The following CSMD1 variants were observed in gnomAD, a reference collection of about 807,000 sequenced individuals.
The protein encoded by CSMD1 is CUB and Sushi multiple domains 1, also known as CUB and sushi domain-containing protein 1.
A neutral mutation model predicts 417.5 loss-of-function variants in CSMD1; 213 were observed. The observed-to-expected ratio is 0.51, with a 90% CI of 0.46 to 0.57. CSMD1 has a LOEUF of 0.57. Among genes scored for constraint, CSMD1 ranks in the 20% least tolerant of loss-of-function variants. The pLI is 0.00. For missense variants in CSMD1, 6,923 were observed against 4,529.7 expected (o/e 1.53, Z -15.17); for synonymous variants, 2,862 against 1,736.8 (o/e 1.65, Z -16.11).
chr8:3,857,638 G>C (rs987957804), intron 5 of CSMD1, among the ~76,000 whole-genome samples: 1 of 152,106 alleles, frequency 6.6e-6, no homozygotes, highest in Non-Finnish European at 1.5e-5. Flanking sequence ...GCAGAGGGTG[G>C]GGACACAGAT....
intron 7 of CSMD1, among the ~76,000 whole-genome samples, chr8:3,681,032 C>T (rs559163137): frequency 2.4e-4 from 37 of 152,120 alleles, no homozygotes; most frequent in Non-Finnish European, 4.1e-4. Context: ...ATTGATGGGA[C>T]GTATCTCAAA....
At chr8:3,982,131 C>A (rs556338170) in intron 5 of CSMD1, among the ~76,000 whole-genome samples, 4 of 149,608 alleles carry the variant, frequency 2.7e-5, no homozygotes, top group East Asian at 3.9e-4. Flanking sequence ...GCACTCCAGC[C>A]TGGGTGACAC....
chr8:3,731,116 G>A (rs1796226881), intron 6 of CSMD1, among the ~76,000 whole-genome samples: 1 of 152,092 alleles, frequency 6.6e-6, no homozygotes, highest in South Asian at 2.1e-4. Flanking sequence ...GCACACCCCA[G>A]AACATAAATC....
chr8:4,780,415 A>ATCTGTCTC (rs1554479061), intron 1 of CSMD1, among the ~76,000 whole-genome samples: 2 of 151,626 alleles, frequency 1.3e-5, no homozygotes, highest in African/African-American at 4.9e-5. Context: ...TGATCAGTCG[A>ATCTGTCTC]TCTGTCTGTC....
chr8:3,900,690 G>T (rs547344356), intron 5 of CSMD1, among the ~76,000 whole-genome samples: 20 of 151,970 alleles, frequency 1.3e-4, no homozygotes, highest in Non-Finnish European at 2.5e-4. Context: ...GTGTAGCTTG[G>T]TGGCCCTGAA....
rs953497632 is a variant in CSMD1 at position 4,222,545 on chromosome 8, A to G, written c.416-190446T>C. Among the ~76,000 whole-genome samples, 8 of 152,360 alleles carry G rather than the reference A, an allele frequency of 5.3e-5. No homozygotes were observed. In the East Asian group the frequency reaches 1.3e-3, roughly 26 times the overall value. ...ATAATCAAGAAAACATAAAAACCACAGAAGTACAGAAAAAGGTTAAAGGCT... is the reference window on the plus strand; with the variant it reads ...ATAATCAAGAAAACATAAAAACCACGGAAGTACAGAAAAAGGTTAAAGGCT... On this transcript the variant is annotated intron_variant, in intron 3 of 69. Coordinates refer to ENST00000635120, the MANE Select transcript of CSMD1 (RefSeq NM_033225.6).
intron 2 of CSMD1, among the ~76,000 whole-genome samples, chr8:4,448,671 T>G (rs539381889): frequency 6.6e-6 from 1 of 152,340 alleles, no homozygotes; most frequent in East Asian, 1.9e-4. Context: ...TCTGACTTTC[T>G]TCTCAGTAGG....
chr8:4,414,293 A>G (rs1796807701), intron 3 of CSMD1, among the ~76,000 whole-genome samples: 1 of 152,212 alleles, frequency 6.6e-6, no homozygotes, highest in African/African-American at 2.4e-5. Context: ...TGGTAAGAGG[A>G]AGCCCCGCCC....
intron 3 of CSMD1, among the ~76,000 whole-genome samples, chr8:4,176,954 G>C (rs1158623673): frequency 6.6e-6 from 1 of 151,124 alleles, no homozygotes; most frequent in South Asian, 2.1e-4. Context: ...CCTACAAAGA[G>C]ACTTAGACTC....
intron 7 of CSMD1, among the ~76,000 whole-genome samples, chr8:3,634,955 A>G (rs1796960268): frequency 6.6e-6 from 1 of 152,196 alleles, no homozygotes; most frequent in Non-Finnish European, 1.5e-5. Context: ...ACTGTACTGA[A>G]TAATGCAGGC....
chr8:3,492,736 G>C (rs373664227), intron 11 of CSMD1, among the ~76,000 whole-genome samples: 5 of 152,150 alleles, frequency 3.3e-5, no homozygotes, highest in Non-Finnish European at 5.9e-5. Flanking sequence ...TGAGAAGTGG[G>C]ATCAGTCTGC....
chr8:3,806,021 G>A (rs948167178), intron 5 of CSMD1, among the ~76,000 whole-genome samples: 2 of 152,158 alleles, frequency 1.3e-5, no homozygotes, highest in South Asian at 2.1e-4. Flanking sequence ...ACCTGGAGCA[G>A]CTTCATTGCA....
At chr8:3,052,389 C>A in intron 50 of CSMD1, 73 bp downstream of exon 50, 1 of 1,246,550 alleles carries the variant, frequency 8.0e-7, no homozygotes, top group Non-Finnish European at 1.1e-6. Flanking sequence ...AACGTGGGAA[C>A]CCGGACTTCT....
chr8:3,111,067 T>C lies in CSMD1; in HGVS notation c.6431-732A>G, dbSNP rs187305296. On this transcript the variant is annotated intron_variant, in intron 42 of 69. Coordinates refer to ENST00000635120, the MANE Select transcript of CSMD1 (RefSeq NM_033225.6). ...ATATTCATATAGTGCATCAAAGTCA[T>C]AAAACTTTGAACTCTGAAATCAAAC... 1.6e-3 allele frequency among the ~76,000 whole-genome samples: 250 copies of C among 152,292 alleles called. 1 individual carries two copies. Among genetic ancestry groups the C allele is most frequent in the African/African-American group, 5.8e-3 (241 of 41,570 alleles).
At chr8:3,296,187 G>T (rs4875557) in intron 25 of CSMD1, among the ~76,000 whole-genome samples, 74,753 of 151,702 alleles carry the variant, frequency 0.49, 20,762 homozygotes, top group South Asian at 0.63. Context: ...TAAATGGGGT[G>T]GTTAGGCTAA....
intron 3 of CSMD1, among the ~76,000 whole-genome samples, chr8:4,197,375 G>T (rs989908978): frequency 2.6e-5 from 4 of 152,210 alleles, no homozygotes; most frequent in African/African-American, 9.6e-5. Context: ...GGGTGTGTCT[G>T]TGGTGGTGTT....
At chr8:3,251,649 T>A (rs1465943091) in intron 26 of CSMD1, among the ~76,000 whole-genome samples, 1 of 152,206 alleles carries the variant, frequency 6.6e-6, no homozygotes, top group Non-Finnish European at 1.5e-5. Flanking sequence ...ATCAATTACC[T>A]TGGGCAGCAT....
intron 3 of CSMD1, among the ~76,000 whole-genome samples, chr8:4,236,408 C>T: frequency 6.6e-6 from 1 of 152,094 alleles, no homozygotes; most frequent in East Asian, 1.9e-4. Context: ...CCCACTCTAG[C>T]CAGTCAAGAA....
At chr8:4,779,592 C>T (rs1446295137) in intron 1 of CSMD1, among the ~76,000 whole-genome samples, 1 of 152,212 alleles carries the variant, frequency 6.6e-6, no homozygotes, top group Non-Finnish European at 1.5e-5. Flanking sequence ...CAAAGGAACA[C>T]AGGAAGCATT....
Sources: allele counts gnomAD v4.1 joint callset (sites outside exome capture counted in the v4.1 genomes callset), GRCh38; gene constraint gnomAD v4.1.1; transcripts MANE v1.5; gene names NCBI Gene and HGNC (gene_info 2026-07-23, HGNC 2026-07-21).